The following PLEKHM3 variants were observed in gnomAD, a reference collection of about 807,000 sequenced individuals.
PLEKHM3 encodes pleckstrin homology domain containing M3.
In PLEKHM3, 45 loss-of-function variants were observed where a neutral mutation model predicts 81.8. That is an observed-to-expected ratio of 0.55 (90% confidence interval 0.43 to 0.71). PLEKHM3 has a LOEUF of 0.71. Among genes scored for constraint, PLEKHM3 ranks in the 30% least tolerant of loss-of-function variants. The pLI, the probability that PLEKHM3 is intolerant of heterozygous loss-of-function variation, is 0.00. For missense variants in PLEKHM3, 788 were observed against 924.3 expected (o/e 0.85, Z 1.91); for synonymous variants, 352 against 356.4 (o/e 0.99, Z 0.14).
chr2:207,901,077 G>C (rs1460016837), intron 6 of PLEKHM3: 3 of 594,060 alleles, frequency 5.0e-6, no homozygotes, highest in Non-Finnish European at 9.0e-6. Flanking sequence ...CTCTACCTGA[G>C]GGGCTCGAGT....
chr2:208,013,554 C>T (rs1413308302), intron 1 of PLEKHM3, among the ~76,000 whole-genome samples: 1 of 152,016 alleles, frequency 6.6e-6, no homozygotes, highest in Non-Finnish European at 1.5e-5. Flanking sequence ...CTGCTTCTTG[C>T]ATGAAGCTGT....
intron 6 of PLEKHM3, among the ~76,000 whole-genome samples, chr2:207,880,788 A>AAAAAAAAAAAAAAAAC (rs71036962): frequency 3.4e-5 from 2 of 58,146 alleles, no homozygotes; most frequent in Non-Finnish European, 7.3e-5. Context: ...AAAAAAAAAA[A>AAAAAAAAAAAAAAAAC]CCAAAAAAAC....
At chr2:207,853,123 A>G (rs1424666085) in intron 7 of PLEKHM3, among the ~76,000 whole-genome samples, 2 of 152,288 alleles carry the variant, frequency 1.3e-5, no homozygotes, top group East Asian at 3.9e-4. Context: ...ATGCACACAC[A>G]TGGTATGCTC....
intron 3 of PLEKHM3, among the ~76,000 whole-genome samples, chr2:207,969,101 T>C (rs941773365): frequency 3.3e-5 from 5 of 152,216 alleles, no homozygotes; most frequent in Admixed American, 1.3e-4. Flanking sequence ...CCTTAGAAGA[T>C]CTGGCTCTTT....
intron 6 of PLEKHM3, among the ~76,000 whole-genome samples, chr2:207,867,824 G>A (rs1470590364): frequency 6.6e-6 from 1 of 151,860 alleles, no homozygotes; most frequent in African/African-American, 2.4e-5. Context: ...CCACTTCCTA[G>A]CCATCTCGGT....
At chr2:208,016,666 A>ATACAC (rs1468410522) in intron 1 of PLEKHM3, among the ~76,000 whole-genome samples, 1 of 34,054 alleles carries the variant, frequency 2.9e-5, no homozygotes, top group African/African-American at 5.2e-5. Flanking sequence ...AAAAAAAAAA[A>ATACAC]AAATACACAC....
chr2:207,925,130 T>C (rs1408775373), intron 5 of PLEKHM3, among the ~76,000 whole-genome samples: 1 of 141,966 alleles, frequency 7.0e-6, no homozygotes, highest in East Asian at 2.0e-4. Context: ...ATGAACAGGG[T>C]TGTTTTTTTG....
chr2:207,932,880 T>A (rs1559244324), intron 4 of PLEKHM3, among the ~76,000 whole-genome samples: 1 of 152,208 alleles, frequency 6.6e-6, no homozygotes, highest in Admixed American at 6.5e-5. Flanking sequence ...CATAATTAAA[T>A]GTATGGCTAT....
Position 207,853,727 on chromosome 2 carries a change from C to CCAAA in PLEKHM3, c.2108+7374_2108+7377dup, listed in dbSNP as rs374112794. On this transcript the variant is annotated intron_variant, in intron 7 of 7. Coordinates refer to ENST00000427836, the MANE Select transcript of PLEKHM3 (RefSeq NM_001080475.3). ...CCAGCCTTGGCGACCTAGCAAGTCG[C>CCAAA]CAAACAAACAAACAAACAAGTACAA... Among the ~76,000 whole-genome samples the CCAAA allele has an allele frequency of 5.2e-4, 79 of 152,038 alleles. No homozygotes were observed. The East Asian group carries it at 7.7e-3, about 15-fold the overall frequency.
At chr2:207,967,187 G>T (rs1319298735) in intron 3 of PLEKHM3, among the ~76,000 whole-genome samples, 2 of 151,954 alleles carry the variant, frequency 1.3e-5, no homozygotes, top group African/African-American at 4.8e-5. Context: ...TGGAGACAGG[G>T]TCTTGCTATG....
chr2:207,923,625 T>C (rs1478254388), intron 5 of PLEKHM3, among the ~76,000 whole-genome samples: 1 of 150,192 alleles, frequency 6.7e-6, no homozygotes, highest in African/African-American at 2.5e-5. Flanking sequence ...CACACGCTCA[T>C]AAAAGAAAAG....
intron 6 of PLEKHM3, among the ~76,000 whole-genome samples, chr2:207,907,910 T>C (rs1210050923): frequency 6.6e-6 from 1 of 152,236 alleles, no homozygotes; most frequent in Non-Finnish European, 1.5e-5. Flanking sequence ...TTGCCTATTC[T>C]AAACATTTCA....
intron 5 of PLEKHM3, among the ~76,000 whole-genome samples, chr2:207,921,407 G>T (rs1008277052): frequency 1.3e-5 from 2 of 152,048 alleles, no homozygotes; most frequent in African/African-American, 4.8e-5. Context: ...GATATGTATT[G>T]ATAGAGTACA....
intron 2 of PLEKHM3, among the ~76,000 whole-genome samples, chr2:207,990,672 T>G (rs1553564002): frequency 2.6e-5 from 4 of 152,200 alleles, no homozygotes; most frequent in Non-Finnish European, 5.9e-5. Flanking sequence ...GAATCAAAGC[T>G]GGACTGTGTC....
At chr2:207,973,477 G>C (rs546028576) in intron 3 of PLEKHM3, among the ~76,000 whole-genome samples, 3 of 152,306 alleles carry the variant, frequency 2.0e-5, no homozygotes, top group African/African-American at 4.8e-5. Context: ...GGTGGCTTAC[G>C]CCTGTAATCC....
chr2:207,825,821 C>G lies in PLEKHM3; in HGVS notation c.*2498G>C, dbSNP rs928321045. 1 of 152,148 alleles carries G rather than the reference C, an allele frequency of 6.6e-6. No individual in the cohort carries two copies. Among genetic ancestry groups the G allele is most frequent in the Non-Finnish European group, 1.5e-5 (1 of 68,016 alleles). 9.4% of individuals were successfully genotyped at this position (152,148 alleles called of 1,614,324 possible). A position where few individuals can be genotyped will look rare whatever the true frequency, so the allele number is the denominator to read the frequency against. On this transcript the variant is annotated 3_prime_UTR_variant, in exon 8 of 8. Coordinates refer to ENST00000427836, the MANE Select transcript of PLEKHM3 (RefSeq NM_001080475.3). ...GTGATAACACATCGATTTTTTGTTT[C>G]CCTTTTGAAAATAAGCAGAAAATGA...
At chr2:207,951,566 T>G (rs1041714365) in intron 3 of PLEKHM3, among the ~76,000 whole-genome samples, 1 of 152,204 alleles carries the variant, frequency 6.6e-6, no homozygotes, top group African/African-American at 2.4e-5. Context: ...TTCAAATCTT[T>G]AATGAACACA....
At chr2:207,999,057 A>G (rs1692209292) in intron 2 of PLEKHM3, among the ~76,000 whole-genome samples, 1 of 151,588 alleles carries the variant, frequency 6.6e-6, no homozygotes, top group Admixed American at 6.6e-5. Context: ...GCACAGTCTC[A>G]CTGCAATCTC....
intron 7 of PLEKHM3, chr2:207,851,153 CAAAAAAAAAAAAA>C (rs57701612): frequency 1.5e-5 from 1 of 65,138 alleles, no homozygotes; most frequent in African/African-American, 6.5e-5. Flanking sequence ...GACTCCGTCT[CAAAAAAAAAAAAA>C]AAAAAAAAGG....
Sources: gnomAD v4.1 joint callset for allele counts (sites outside exome capture counted in the v4.1 genomes callset) on GRCh38, gnomAD v4.1.1 for gene constraint, MANE v1.5 for transcripts, NCBI Gene and HGNC (gene_info 2026-07-23, HGNC 2026-07-21) for gene names.